The following SFT2D2 variants were observed in gnomAD, a reference collection of about 807,000 sequenced individuals.
SFT2D2 encodes the protein SFT2 domain containing 2, also known as vesicle transport protein SFT2B.
In SFT2D2, 21 loss-of-function variants were observed where a neutral mutation model predicts 27.4. That is an observed-to-expected ratio of 0.77 (90% CI 0.54 to 1.10). The LOEUF is 1.10. Among genes scored for constraint, SFT2D2 ranks in the 50% least tolerant of loss-of-function variants. The probability of loss-of-function intolerance (pLI) is 0.00; values close to 1 mark genes in which losing one functional copy is unlikely to be tolerated. For synonymous variants in SFT2D2, 72 were observed against 71.7 expected (o/e 1.00, Z -0.02); for missense variants, 187 against 194.2 (o/e 0.96, Z 0.22).
chr1:168,251,098 G>T lies in SFT2D2; in HGVS notation c.*8558G>T, dbSNP rs1367162212. On this transcript the variant is annotated 3_prime_UTR_variant, in exon 8 of 8. Transcript: ENST00000271375. Reference sequence around the variant, plus strand: ...GTGGGTGGATCGCTTGAGGTCAGGAGTTCAAGACCAGCCTGGCCAACATGG... The same window carrying T: ...GTGGGTGGATCGCTTGAGGTCAGGATTTCAAGACCAGCCTGGCCAACATGG... 2 of 152,276 alleles carry T rather than the reference G, an allele frequency of 1.3e-5. No homozygotes were observed. Among genetic ancestry groups the T allele is most frequent in the African/African-American group, 4.8e-5 (2 of 41,422 alleles). 9.4% of individuals were successfully genotyped at this position (152,276 alleles called of 1,614,324 possible).
intron 3 of SFT2D2, among the ~76,000 whole-genome samples, chr1:168,233,182 G>A (rs542153911): frequency 1.2e-4 from 18 of 152,258 alleles, no homozygotes; most frequent in African/African-American, 3.9e-4. Context: ...CCAAAATGCC[G>A]TTGTGCCCTT....
chr1:168,246,026 G>C lies in SFT2D2; in HGVS notation c.*3486G>C, dbSNP rs1647801376. ...ACATCTCACTTTCTCAATGGACGCAGTGACGCAATGAAGCATCCAGCAAAG... is the reference window on the plus strand; with the variant it reads ...ACATCTCACTTTCTCAATGGACGCACTGACGCAATGAAGCATCCAGCAAAG... On this transcript the variant is annotated 3_prime_UTR_variant, in exon 8 of 8. Coordinates refer to ENST00000271375, the MANE Select transcript of SFT2D2 (RefSeq NM_199344.3). The C allele has an allele frequency of 4.7e-6, 1 of 214,432 alleles. No individual in the cohort carries two copies. The allele number at this position is 214,432 out of a possible 1,614,324, so 13.3% of individuals were successfully genotyped here.
At position 168,226,044 on chromosome 1, in the gene SFT2D2, C is replaced by G; in HGVS notation, c.-36C>G. On this transcript the variant is annotated 5_prime_UTR_variant, in exon 1 of 8. Transcript: ENST00000271375. ...CAACTTAGCGAGCGCAACAGGCTGC[C>G]GCTGAGGAGCTGGAGCTGGTGGGGA... 2 of 1,493,378 alleles carry G rather than the reference C, an allele frequency of 1.3e-6. No homozygotes were observed. Among genetic ancestry groups the G allele is most frequent in the East Asian group, 2.9e-5 (1 of 34,842 alleles). The allele number at this position is 1,493,378 out of a possible 1,614,324, so 92.5% of individuals were successfully genotyped here.
intron 1 of SFT2D2, among the ~76,000 whole-genome samples, chr1:168,227,115 C>T (rs1178657020): frequency 1.3e-5 from 2 of 152,202 alleles, no homozygotes; most frequent in Non-Finnish European, 2.9e-5. Context: ...CCACCGCGCC[C>T]GGCCTATTAG....
Position 168,250,117 on chromosome 1 carries a change from G to C in SFT2D2, c.*7577G>C, listed in dbSNP as rs1647917494. 2 of 152,218 alleles carry C rather than the reference G, an allele frequency of 1.3e-5. No individual in the cohort carries two copies. The highest frequency in any genetic ancestry group is 4.8e-5 in the African/African-American group (2 of 41,462). The allele number at this position is 152,218 out of a possible 1,614,324, so 9.4% of individuals were successfully genotyped here. On this transcript the variant is annotated 3_prime_UTR_variant, in exon 8 of 8. Transcript: ENST00000271375. ...AGATGGGTCTTGTAGAAAGGCTTCTGCTTTGCTTTCACTCACGGCCTGTGG... is the reference window on the plus strand; with the variant it reads ...AGATGGGTCTTGTAGAAAGGCTTCTCCTTTGCTTTCACTCACGGCCTGTGG...
chr1:168,235,034 G>A, intron 3 of SFT2D2, 67 bp from the exon 4 acceptor site: 1 of 1,362,160 alleles, frequency 7.3e-7, no homozygotes, highest in Non-Finnish European at 1.1e-6. Flanking sequence ...AAATCTTGGG[G>A]AGGCGACTCA....
chr1:168,234,174 G>T (rs1262700941), intron 3 of SFT2D2, among the ~76,000 whole-genome samples: 1 of 152,124 alleles, frequency 6.6e-6, no homozygotes, highest in Non-Finnish European at 1.5e-5. Flanking sequence ...GAGTTGGGCG[G>T]ATCACGAGGT....
rs1647851640 is a variant in SFT2D2 at position 168,247,432 on chromosome 1, CTGTTCTTG to C, written c.*4897_*4904del. 1 of 160,850 alleles carries C rather than the reference CTGTTCTTG, an allele frequency of 6.2e-6. No individual in the cohort carries two copies. Among genetic ancestry groups the C allele is most frequent in the Non-Finnish European group, 1.3e-5 (1 of 74,242 alleles). 10.0% of individuals were successfully genotyped at this position (160,850 alleles called of 1,614,324 possible). A position where few individuals can be genotyped will look rare whatever the true frequency, so the allele number is the denominator to read the frequency against. ...GTGAGAACATGTGGTGTTTGGTTTT[CTGTTCTTG>C]TGTTAGTTTGCTGAGAATGATGGTT... On this transcript the variant is annotated 3_prime_UTR_variant, in exon 8 of 8. Coordinates refer to ENST00000271375, the MANE Select transcript of SFT2D2 (RefSeq NM_199344.3).
At chr1:168,235,370 TTGTG>T (rs1158158936) in intron 4 of SFT2D2, among the ~76,000 whole-genome samples, 188 bp downstream of exon 4, 2 of 152,176 alleles carry the variant, frequency 1.3e-5, no homozygotes, top group African/African-American at 2.4e-5. Context: ...CTCCCCTACT[TTGTG>T]TTTCAGTGGG....
chr1:168,232,053 A>G, intron 3 of SFT2D2, 134 bp downstream of exon 3: 1 of 682,000 alleles, frequency 1.5e-6, no homozygotes, highest in Non-Finnish European at 2.6e-6. Flanking sequence ...AGAATATCTC[A>G]CATTCATATC....
intron 6 of SFT2D2, 73 bp downstream of exon 6, chr1:168,236,843 A>G (rs1647518100): frequency 3.3e-6 from 5 of 1,492,586 alleles, no homozygotes; most frequent in African/African-American, 1.4e-5. Context: ...TAAAACTCAC[A>G]TATTGTGGGT....
At chr1:168,230,281 T>C (rs1341902985) in intron 1 of SFT2D2, among the ~76,000 whole-genome samples, 1 of 152,148 alleles carries the variant, frequency 6.6e-6, no homozygotes, top group Non-Finnish European at 1.5e-5. Context: ...GGTGGAAATA[T>C]AGTAGGAAAC....
At chr1:168,236,670 C>T in intron 5 of SFT2D2, 42 bp from the exon 6 acceptor site, 2 of 1,613,696 alleles carry the variant, frequency 1.2e-6, no homozygotes, top group Non-Finnish European at 1.7e-6. Context: ...GCTTTTGCCC[C>T]TTGTCTCACA....
rs1210886998 is a variant in SFT2D2, at chr1:168,246,856, G to C, written c.*4316G>C. The C allele has an allele frequency of 1.5e-6, 1 of 650,280 alleles. No homozygotes were observed. The highest frequency in any genetic ancestry group is 1.5e-5 in the South Asian group (1 of 68,930). The allele number at this position is 650,280 out of a possible 1,614,324, so 40.3% of individuals were successfully genotyped here. Reference sequence around the variant, plus strand: ...CCATTCTGTTTTAGAGCCTTTTGAAGGTCTTCATGCTTTCTTTTTATAATT... The same window carrying C: ...CCATTCTGTTTTAGAGCCTTTTGAACGTCTTCATGCTTTCTTTTTATAATT... On this transcript the variant is annotated 3_prime_UTR_variant, in exon 8 of 8. Transcript: ENST00000271375.
rs1348629513 is a variant in SFT2D2 at position 168,250,500 on chromosome 1, T to C, written c.*7960T>C. On this transcript the variant is annotated 3_prime_UTR_variant, in exon 8 of 8. Coordinates refer to ENST00000271375, the MANE Select transcript of SFT2D2 (RefSeq NM_199344.3). The stretch of plus-strand genomic sequence containing the variant: ...TAAGGGAACCAATAAGGTGACTCTT[T>C]TGCAGATTGGAATATGGTGCTCAGC... 1 of 152,318 alleles carries C rather than the reference T, an allele frequency of 6.6e-6. No individual in the cohort carries two copies. The highest frequency in any genetic ancestry group is 1.5e-5 in the Non-Finnish European group (1 of 68,166). The allele number at this position is 152,318 out of a possible 1,614,324, so 9.4% of individuals were successfully genotyped here.
chr1:168,237,262 G>A (rs929704891), intron 6 of SFT2D2, among the ~76,000 whole-genome samples: 1 of 152,218 alleles, frequency 6.6e-6, no homozygotes, highest in Admixed American at 6.5e-5. Flanking sequence ...AGTCACTGAC[G>A]AAATGGAAAA....
chr1:168,227,102 G>A (rs1700470216), intron 1 of SFT2D2, among the ~76,000 whole-genome samples: 2 of 152,326 alleles, frequency 1.3e-5, no homozygotes, highest in South Asian at 4.2e-4. Flanking sequence ...TTACAGGCAT[G>A]AGCCACCGCG....
At chr1:168,234,000 T>C (rs760365904) in intron 3 of SFT2D2, among the ~76,000 whole-genome samples, 1 of 152,244 alleles carries the variant, frequency 6.6e-6, no homozygotes, top group Non-Finnish European at 1.5e-5. Flanking sequence ...GGAAGACTTA[T>C]TGGCCGGGTG....
rs746743983 is a variant in SFT2D2 at position 168,235,185 on chromosome 1, A to G, written c.318+3A>G. 4 of 1,613,868 alleles carry G rather than the reference A, an allele frequency of 2.5e-6. No homozygotes were observed. Among genetic ancestry groups the G allele is most frequent in the Non-Finnish European group, 3.4e-6 (4 of 1,179,994 alleles). On this transcript the variant is annotated splice_donor_region_variant and intron_variant, in intron 4 of 7. Transcript: ENST00000271375. ...TGATTGCAACTATCATGGTGCTGGT[A>G]AGGTCTGCTTTTTAGCTGGACTTCT...
Sources: gnomAD v4.1 joint callset for allele counts (sites outside exome capture counted in the v4.1 genomes callset) on GRCh38, gnomAD v4.1.1 for gene constraint, MANE v1.5 for transcripts, NCBI Gene and HGNC (gene_info 2026-07-23, HGNC 2026-07-21) for gene names.